Variants in GLI3 observed in about 807,000 individuals in gnomAD.
GLI3 encodes transcription activator GLI3.
In GLI3, 20 loss-of-function variants were observed where a neutral mutation model predicts 100.8. The ratio of observed to expected loss-of-function variants is 0.20; its 90% CI spans 0.14 to 0.29. The LOEUF (loss-of-function observed/expected upper bound fraction) is 0.29. Among genes scored for constraint, GLI3 ranks in the 10% least tolerant of loss-of-function variants. The probability of loss-of-function intolerance (pLI) is 1.00; values close to 1 mark genes in which losing one functional copy is unlikely to be tolerated. For missense variants in GLI3, 2,040 were observed against 2,128.5 expected (o/e 0.96, Z 0.82); for synonymous variants, 938 against 860.5 (o/e 1.09, Z -1.58).
intron 7 of GLI3, among the ~76,000 whole-genome samples, chr7:42,027,647 G>T (rs1217434000): frequency 1.3e-5 from 2 of 152,184 alleles, no homozygotes; most frequent in Non-Finnish European, 2.9e-5. Flanking sequence ...ATAACAGGCA[G>T]CTTCAATGGG....
At chr7:41,967,945 G>T in intron 13 of GLI3, 22 bp from the exon 14 acceptor site, 1 of 1,596,440 alleles carries the variant, frequency 6.3e-7, no homozygotes. Flanking sequence ...AAGTGGAAAG[G>T]AAAGAAATGT....
chr7:42,055,310 G>C (rs1283428608), intron 4 of GLI3, among the ~76,000 whole-genome samples: 1 of 152,078 alleles, frequency 6.6e-6, no homozygotes, highest in Non-Finnish European at 1.5e-5. Context: ...GGTGCAGATG[G>C]TTATGGTGGT....
chr7:42,152,001 C>T (rs979201735), intron 2 of GLI3: 4 of 152,198 alleles, frequency 2.6e-5, no homozygotes, highest in African/African-American at 7.2e-5. Flanking sequence ...GACTCGAACA[C>T]GCACTTGTGG....
chr7:42,024,722 C>T (rs1190979104), intron 9 of GLI3, among the ~76,000 whole-genome samples: 1 of 152,218 alleles, frequency 6.6e-6, no homozygotes, highest in Non-Finnish European at 1.5e-5. Context: ...CTACACTCTT[C>T]CTTTCAGAAT....
chr7:42,148,582 T>A, intron 2 of GLI3, 114 bp from the exon 3 acceptor site: 1 of 1,042,002 alleles, frequency 9.6e-7, no homozygotes, highest in African/African-American at 1.6e-5. Context: ...GAAGTATCTT[T>A]CTCATTCACA....
intron 10 of GLI3, among the ~76,000 whole-genome samples, chr7:42,005,259 T>C (rs1345831816): frequency 5.3e-5 from 8 of 152,188 alleles, no homozygotes; most frequent in Non-Finnish European, 1.2e-4. Flanking sequence ...GTTTCCCTGT[T>C]GCTTTAGTAA....
chr7:42,223,336 GAAAA>G, intron 1 of GLI3, 41 bp from the exon 2 acceptor site: 3 of 844,996 alleles, frequency 3.6e-6, no homozygotes, highest in Non-Finnish European at 3.6e-6. Context: ...CAAAATGGTG[GAAAA>G]AAAAAAAAAA....
intron 3 of GLI3, chr7:42,118,186 C>G (rs1056538340): frequency 2.5e-6 from 1 of 395,778 alleles, no homozygotes; most frequent in Non-Finnish European, 4.5e-6. Context: ...CACTCAAGGG[C>G]TTTTTCACCT....
intron 1 of GLI3, among the ~76,000 whole-genome samples, chr7:42,260,823 TAGAG>T (rs1488942159): frequency 6.6e-6 from 1 of 152,084 alleles, no homozygotes; most frequent in Non-Finnish European, 1.5e-5. Context: ...ATTTTCCTGA[TAGAG>T]AGGGGGCAGA....
intron 3 of GLI3, among the ~76,000 whole-genome samples, chr7:42,143,918 C>G (rs532382775): frequency 7.9e-5 from 12 of 152,154 alleles, no homozygotes; most frequent in Non-Finnish European, 1.3e-4. Flanking sequence ...TCTTTCTGCT[C>G]CCTTTACCAA....
intron 5 of GLI3, among the ~76,000 whole-genome samples, chr7:42,046,787 T>C (rs1322685848): frequency 6.6e-6 from 1 of 152,204 alleles, no homozygotes; most frequent in African/African-American, 2.4e-5. Flanking sequence ...TTGAAGGAGA[T>C]GATTCTCCAG....
At chr7:42,243,464 G>A (rs1372143273) in intron 1 of GLI3, among the ~76,000 whole-genome samples, 1 of 152,176 alleles carries the variant, frequency 6.6e-6, no homozygotes, top group African/African-American at 2.4e-5. Flanking sequence ...TTGATCAGAT[G>A]CATATAAAAG....
intron 2 of GLI3, chr7:42,151,572 G>C (rs1786863191): frequency 6.6e-6 from 1 of 152,174 alleles, no homozygotes; most frequent in Non-Finnish European, 1.5e-5. Context: ...ACAGCCCACT[G>C]CTCCAAGAGC....
intron 10 of GLI3, among the ~76,000 whole-genome samples, chr7:42,007,612 T>A (rs1355876749): frequency 6.6e-6 from 1 of 152,322 alleles, no homozygotes; most frequent in Admixed American, 6.5e-5. Flanking sequence ...ATAAAATGTA[T>A]GTGATACAAA....
At chr7:42,065,247 A>C (rs1448912858) in intron 4 of GLI3, among the ~76,000 whole-genome samples, 1 of 149,666 alleles carries the variant, frequency 6.7e-6, no homozygotes, top group Non-Finnish European at 1.5e-5. Context: ...AATACTTTTA[A>C]ATTATTATTA....
chr7:42,167,196 A>G (rs192076511), intron 2 of GLI3, among the ~76,000 whole-genome samples: 12 of 152,264 alleles, frequency 7.9e-5, no homozygotes, highest in Admixed American at 6.5e-4. Context: ...ATTGCTATTC[A>G]TCAACTTAAG....
intron 2 of GLI3, among the ~76,000 whole-genome samples, chr7:42,157,192 G>A (rs2128791527): frequency 6.6e-6 from 1 of 152,296 alleles, no homozygotes; most frequent in East Asian, 1.9e-4. Flanking sequence ...TCAGGTTTCT[G>A]CAACAGAAAC....
chr7:42,075,109 T>C (rs534400343), intron 4 of GLI3, among the ~76,000 whole-genome samples: 7 of 152,318 alleles, frequency 4.6e-5, no homozygotes, highest in South Asian at 2.1e-4. Flanking sequence ...CTTGCTGTTA[T>C]ATTCCGCCAT....
At chr7:42,027,242 T>C (rs1168143711) in intron 7 of GLI3, among the ~76,000 whole-genome samples, 1 of 152,204 alleles carries the variant, frequency 6.6e-6, no homozygotes, top group Non-Finnish European at 1.5e-5. Context: ...GCCAGTGTGG[T>C]TCTGGAATCA....
Sources: gnomAD v4.1 joint callset for allele counts (sites outside exome capture counted in the v4.1 genomes callset) on GRCh38, gnomAD v4.1.1 for gene constraint, MANE v1.5 for transcripts, NCBI Gene and HGNC (gene_info 2026-07-23, HGNC 2026-07-21) for gene names.